Variants in ENTPD5 observed in about 807,000 individuals in gnomAD.
ENTPD5 encodes ectonucleoside triphosphate diphosphohydrolase 5 (inactive).
Under a neutral mutation model 60.2 loss-of-function variants are expected in ENTPD5, and 49 were observed. The observed-to-expected ratio is 0.81, with a 90% CI of 0.65 to 1.03. The LOEUF (loss-of-function observed/expected upper bound fraction) is 1.03. Among genes scored for constraint, ENTPD5 ranks in the 50% least tolerant of loss-of-function variants. The pLI is 0.00. For missense variants in ENTPD5, 480 were observed against 507.6 expected (o/e 0.95, Z 0.52); for synonymous variants, 187 against 185.4 (o/e 1.01, Z -0.07).
downstream of ENTPD5, among the ~76,000 whole-genome samples, chr14:73,957,201 C>T (rs1419384570): frequency 6.6e-6 from 1 of 151,944 alleles, no homozygotes; most frequent in African/African-American, 2.4e-5. Flanking sequence ...AGGTTCACAC[C>T]ATTCTCCTGC....
At chr14:73,990,357 C>T (rs1025230768) in intron 3 of ENTPD5, among the ~76,000 whole-genome samples, 5 of 149,246 alleles carry the variant, frequency 3.4e-5, no homozygotes, top group Admixed American at 1.4e-4. Flanking sequence ...TTTTTTGAGA[C>T]AGGGTCTCAC....
chr14:73,959,412 C>A (rs1446866217), downstream of ENTPD5: 1 of 1,614,066 alleles, frequency 6.2e-7, no homozygotes, highest in Non-Finnish European at 8.5e-7. Context: ...TCTTTTGACA[C>A]AGCTCTCAGA....
chr14:73,971,742 C>T, intron 14 of ENTPD5, 110 bp downstream of exon 14: 1 of 735,564 alleles, frequency 1.4e-6, no homozygotes, highest in Admixed American at 2.3e-5. Context: ...AGGAAACTAG[C>T]CTTCTGATAG....
Position 73,983,088 on chromosome 14 carries a change from G to A in ENTPD5, c.371C>T (p.Pro124Leu). 2 of 1,614,142 alleles carry A rather than the reference G, an allele frequency of 1.2e-6. No individual in the cohort carries two copies. Among genetic ancestry groups the A allele is most frequent in the Non-Finnish European group, 1.7e-6 (2 of 1,179,990 alleles). The change falls in exon 6 of 16, where the codon CCA becomes CTA. Residue 124 changes from proline to leucine, a missense_variant. Physicochemically the swap from Pro to Leu is moderately conservative, Grantham distance 98. Coordinates refer to ENST00000334696, the MANE Select transcript of ENTPD5 (RefSeq NM_001249.5). Reference protein sequence around the residue: ...SIPRSHWKKTPVVLKATAGLR... With the variant: ...SIPRSHWKKTLVVLKATAGLR... Reference sequence around the variant, plus strand: ...TCCTGCTGTTGCCTTTAGGACCACTGGGGTCTTTTTCCAGTGACTTCGGGG... The same window carrying A: ...TCCTGCTGTTGCCTTTAGGACCACTAGGGTCTTTTTCCAGTGACTTCGGGG...
chr14:74,018,235 C>T (rs2059116665), intron 1 of ENTPD5, among the ~76,000 whole-genome samples: 1 of 151,540 alleles, frequency 6.6e-6, no homozygotes, highest in Non-Finnish European at 1.5e-5. Flanking sequence ...CATGTTCCCT[C>T]AGAAGAAACA....
At position 73,966,878 on chromosome 14, in the gene ENTPD5, C is replaced by G. The variant is rs757747454; in HGVS notation, c.*50G>C. ...GTTCAGAAACTAAGTGCTCTCTCCT[C>G]CCCTTAAAAAGGTGTTGGCAAATGC... is the stretch of plus-strand genomic sequence containing the variant. On this transcript the variant is annotated 3_prime_UTR_variant, in exon 16 of 16. Transcript: ENST00000334696. The G allele has an allele frequency of 1.7e-5, 23 of 1,384,466 alleles. 1 individual carries two copies. The East Asian group carries it at 5.0e-4, about 30-fold the overall frequency. 85.8% of individuals were successfully genotyped at this position (1,384,466 alleles called of 1,614,324 possible). A position where few individuals can be genotyped will look rare whatever the true frequency, so the allele number is the denominator to read the frequency against.
intron 4 of ENTPD5, 42 bp from the exon 5 acceptor site, chr14:73,986,935 C>G: frequency 6.6e-7 from 1 of 1,513,542 alleles, no homozygotes; most frequent in Non-Finnish European, 9.2e-7. Flanking sequence ...GAGCTGGTTA[C>G]CAAAAGTTAG....
At chr14:73,974,514 G>C (rs1025705863) in intron 11 of ENTPD5, among the ~76,000 whole-genome samples, 1 of 152,216 alleles carries the variant, frequency 6.6e-6, no homozygotes, top group Non-Finnish European at 1.5e-5. Flanking sequence ...ACTGAACCCA[G>C]TTCTGCCTGA....
chr14:73,975,939 T>C lies in ENTPD5; in HGVS notation c.719A>G (p.His240Arg), dbSNP rs773722020. ...MFNSTYKLYTHSYLGFGLKAA... is the reference protein window; with the variant it reads ...MFNSTYKLYTRSYLGFGLKAA... ...TCTTCCCTGTCCCCGTCCTCACCTATGTGTATAGAGCTTATAAGTGCTGTT... is the reference window on the plus strand; with the variant it reads ...TCTTCCCTGTCCCCGTCCTCACCTACGTGTATAGAGCTTATAAGTGCTGTT... The change falls in exon 10 of 16, where the codon CAT becomes CGT. Residue 240 changes from histidine (H) to arginine (R), a missense_variant. Physicochemically the swap from His to Arg is conservative, Grantham distance 29. Transcript: ENST00000334696. The C allele has an allele frequency of 1.9e-6, 3 of 1,606,722 alleles. No individual in the cohort carries two copies. Among genetic ancestry groups the C allele is most frequent in the East Asian group, 2.2e-5 (1 of 44,856 alleles).
In ENTPD5 at chr14:73,995,981, G is replaced by A. The variant is rs1217280565; in HGVS notation, c.-70-7809C>T. 6 of 170,870 alleles carry A rather than the reference G, an allele frequency of 3.5e-5. No homozygotes were observed. The East Asian group carries it at 9.5e-4, about 27-fold the overall frequency. 10.6% of individuals were successfully genotyped at this position (170,870 alleles called of 1,614,324 possible). ...TGGTCTTTTGTGTCTCTTTATACCTGGAGTAGACATGAATCCTCCCCACTC... is the reference window on the plus strand; with the variant it reads ...TGGTCTTTTGTGTCTCTTTATACCTAGAGTAGACATGAATCCTCCCCACTC... On this transcript the variant is annotated intron_variant, in intron 3 of 15. Transcript: ENST00000334696.
chr14:73,971,641 G>A (rs577403629), intron 14 of ENTPD5, among the ~76,000 whole-genome samples: 28 of 152,114 alleles, frequency 1.8e-4, no homozygotes, highest in African/African-American at 6.3e-4. Context: ...CAATCCTCCC[G>A]CCCTGAGTAG....
chr14:73,972,968 G>A lies in ENTPD5; in HGVS notation c.943C>T (p.Leu315Phe), dbSNP rs570773622. The A allele has an allele frequency of 6.2e-7, 1 of 1,614,226 alleles. No individual in the cohort carries two copies. The highest frequency in any genetic ancestry group is 1.7e-5 in the Admixed American group (1 of 60,028). ...AEVLRVVRGKLHQPEEVQRGS... is the reference protein window; with the variant it reads ...AEVLRVVRGKFHQPEEVQRGS... ...CTCTGGACCTCCTCTGGCTGGTGAAGTTTTCCTCGTACCACCCTCAGCACT... is the reference window on the plus strand; with the variant it reads ...CTCTGGACCTCCTCTGGCTGGTGAAATTTTCCTCGTACCACCCTCAGCACT... Residue 315 changes from leucine (L) to phenylalanine (F), a missense_variant, in exon 13 of 16, where the codon CTT becomes TTT. Coordinates refer to ENST00000334696, the MANE Select transcript of ENTPD5 (RefSeq NM_001249.5).
In ENTPD5 at chr14:73,976,593, GTGT is replaced by G. The variant is rs2057455763; in HGVS notation, c.554-184_554-182del. 4.6e-5 allele frequency among the ~76,000 whole-genome samples: 7 copies of G among 151,800 alleles called. No individual in the cohort carries two copies. The South Asian group carries it at 1.5e-3, about 32-fold the overall frequency. ...GTTGCAGCAGAGGCCTTCAAGGCAGGTGTTTTTTTTTTTTTTGGAAGGCCTTTT... is the reference window on the plus strand; with the variant it reads ...GTTGCAGCAGAGGCCTTCAAGGCAGGTTTTTTTTTTTTTGGAAGGCCTTTT... On this transcript the variant is annotated intron_variant, in intron 8 of 15. Coordinates refer to ENST00000334696, the MANE Select transcript of ENTPD5 (RefSeq NM_001249.5).
rs753867171 is a variant in ENTPD5 at position 73,994,473 on chromosome 14, C to T, written c.-70-6301G>A. 7.2e-5 allele frequency among the ~76,000 whole-genome samples: 11 copies of T among 151,842 alleles called. 1 individual carries two copies. The highest frequency in any genetic ancestry group is 1.2e-4 in the African/African-American group (5 of 41,284). ...CTAATGTGCCAGGTGCAGTGGCTCA[C>T]GCCTGTAATCCAGCACTTTGGGAGG... On this transcript the variant is annotated intron_variant, in intron 3 of 15. Transcript: ENST00000334696.
chr14:73,974,157 G>A (rs2057343030), intron 11 of ENTPD5, among the ~76,000 whole-genome samples, 179 bp from the exon 12 acceptor site: 1 of 152,132 alleles, frequency 6.6e-6, no homozygotes, highest in Non-Finnish European at 1.5e-5. Context: ...TCAAAGATAG[G>A]CTTTGTGGGG....
chr14:73,960,733 G>A, downstream of ENTPD5: 3 of 511,018 alleles, frequency 5.9e-6, no homozygotes, highest in Non-Finnish European at 8.9e-6. Context: ...ATAGGATGCT[G>A]TGGAAGCATA....
chr14:73,999,775 G>A (rs911071174), intron 3 of ENTPD5, among the ~76,000 whole-genome samples: 1 of 151,024 alleles, frequency 6.6e-6, no homozygotes, highest in African/African-American at 2.4e-5. Context: ...CTGGGCAACA[G>A]GGCGAGACTC....
intron 3 of ENTPD5, among the ~76,000 whole-genome samples, chr14:73,994,050 A>C (rs2058246566): frequency 1.3e-5 from 2 of 152,278 alleles, no homozygotes; most frequent in South Asian, 4.1e-4. Context: ...CAGTAACTAC[A>C]TTCTAAACCA....
At chr14:73,955,538 A>G, downstream of ENTPD5, 2 of 1,604,582 alleles carry the variant, frequency 1.2e-6, no homozygotes, top group Non-Finnish European at 1.7e-6. Context: ...AATTTTGTCA[A>G]GATGTCTTGG....
Sources: gnomAD v4.1 joint callset for allele counts (sites outside exome capture counted in the v4.1 genomes callset) on GRCh38, gnomAD v4.1.1 for gene constraint, MANE v1.5 for transcripts, NCBI Gene and HGNC (gene_info 2026-07-23, HGNC 2026-07-21) for gene names.